Variants in ZDHHC11B observed in about 807,000 individuals in gnomAD.
ZDHHC11B encodes probable palmitoyltransferase ZDHHC11B.
In ZDHHC11B, 17 loss-of-function variants were observed where a neutral mutation model predicts 42.3. The observed-to-expected ratio is 0.40, with a 90% confidence interval of 0.27 to 0.60. The LOEUF (loss-of-function observed/expected upper bound fraction) is 0.60. ZDHHC11B is among the 20% of genes least tolerant of loss of function. The probability of loss-of-function intolerance (pLI) is 0.41; values close to 1 mark genes in which losing one functional copy is unlikely to be tolerated. For synonymous variants in ZDHHC11B, 123 were observed against 193.5 expected, an observed-to-expected ratio of 0.64 and a Z score of 3.02; for missense variants, 262 against 463.2, an observed-to-expected ratio of 0.57 and a Z score of 3.99.
chr5:758,597 C>T (rs1363778611), intron 4 of ZDHHC11B, among the ~76,000 whole-genome samples: 1 of 151,726 alleles, frequency 6.6e-6, no homozygotes, highest in East Asian at 1.9e-4. Context: ...CGAGCCAGTC[C>T]CCAAACCTGC....
chr5:746,669 G>A (rs1315048046), intron 8 of ZDHHC11B, among the ~76,000 whole-genome samples: 1 of 150,218 alleles, frequency 6.7e-6, no homozygotes, highest in South Asian at 2.2e-4. Flanking sequence ...GCAGCACAAG[G>A]GCCAGCCACA....
chr5:783,448 T>C (rs1451578269), intron 1 of ZDHHC11B, among the ~76,000 whole-genome samples: 9 of 139,296 alleles, frequency 6.5e-5, no homozygotes, highest in Admixed American at 2.1e-4. Flanking sequence ...TGGCTGGGCG[T>C]GGGGGGAGAC....
chr5:775,407 G>A lies in ZDHHC11B; in HGVS notation c.-229-6477C>T, dbSNP rs1185678624. Reference sequence around the variant, plus strand: ...ATGGCCTCATGCAGGCACAGCCTGAGGGAGAACCTGTCTCTGCGGAGAAAG... The same window carrying A: ...ATGGCCTCATGCAGGCACAGCCTGAAGGAGAACCTGTCTCTGCGGAGAAAG... On this transcript the variant is annotated intron_variant, in intron 1 of 13. Transcript: ENST00000508859. 3.3e-5 allele frequency among the ~76,000 whole-genome samples: 5 copies of A among 151,990 alleles called. 1 individual carries two copies. The highest frequency in any genetic ancestry group is 7.4e-5 in the Non-Finnish European group (5 of 67,948).
Position 766,693 on chromosome 5 carries a change from G to T in ZDHHC11B, c.222+5C>A. 6.2e-7 allele frequency: 1 copy of T among 1,604,612 alleles called. No homozygotes were observed. Among genetic ancestry groups the T allele is most frequent in the Non-Finnish European group, 8.5e-7 (1 of 1,174,680 alleles). On this transcript the variant is annotated splice_donor_5th_base_variant and intron_variant, in intron 4 of 13. Transcript: ENST00000508859. Reference sequence around the variant, plus strand: ...GCTTAGACCATGCCACGATGAAAAGGATACCACATAGGCGATGTATTTCCA... The same window carrying T: ...GCTTAGACCATGCCACGATGAAAAGTATACCACATAGGCGATGTATTTCCA...
At chr5:725,980 G>C (rs555248361) in intron 12 of ZDHHC11B, among the ~76,000 whole-genome samples, 1 of 150,066 alleles carries the variant, frequency 6.7e-6, no homozygotes, top group Non-Finnish European at 1.5e-5. Context: ...TGAATGAGGC[G>C]CTGGGGATTA....
At position 758,078 on chromosome 5, in the gene ZDHHC11B, G is replaced by A. The variant is rs147954099; in HGVS notation, c.223-1934C>T. 1.6e-3 allele frequency among the ~76,000 whole-genome samples: 244 copies of A among 151,912 alleles called. 5 individuals carry two copies. In the East Asian group the frequency reaches 0.035, roughly 22 times the overall value. On this transcript the variant is annotated intron_variant, in intron 4 of 13. Coordinates refer to ENST00000508859, the MANE Select transcript of ZDHHC11B (RefSeq NM_001351303.2). Reference sequence around the variant, plus strand: ...CTGACATGACCGAGCCTGCATCCCGGCTGTTGTCCCCATGTACCCGCTCCC... The same window carrying A: ...CTGACATGACCGAGCCTGCATCCCGACTGTTGTCCCCATGTACCCGCTCCC...
At chr5:765,195 T>G (rs569058684) in intron 4 of ZDHHC11B, among the ~76,000 whole-genome samples, 652 of 150,526 alleles carry the variant, frequency 4.3e-3, no homozygotes, top group Non-Finnish European at 6.9e-3. Context: ...GGTGGGGACT[T>G]GGAGAATCTT....
chr5:776,018 G>A (rs545248249), intron 1 of ZDHHC11B, among the ~76,000 whole-genome samples: 1 of 149,208 alleles, frequency 6.7e-6, no homozygotes, highest in Admixed American at 6.6e-5. Context: ...CAGATACCCT[G>A]GCCTCCGCAG....
intron 11 of ZDHHC11B, chr5:732,664 C>G (rs974419439): frequency 1.3e-5 from 6 of 450,550 alleles, no homozygotes; most frequent in African/African-American, 1.2e-4. Context: ...GTGAGGCGGC[C>G]CTGCCCCCAC....
At chr5:766,088 G>A (rs1735296993) in intron 4 of ZDHHC11B, among the ~76,000 whole-genome samples, 1 of 151,890 alleles carries the variant, frequency 6.6e-6, no homozygotes, top group Non-Finnish European at 1.5e-5. Context: ...TGAATGCCAT[G>A]GTCAGCTGGA....
intron 9 of ZDHHC11B, among the ~76,000 whole-genome samples, chr5:744,805 C>A (rs452680): frequency 3.2e-4 from 47 of 148,428 alleles, no homozygotes; most frequent in African/African-American, 6.5e-4. Flanking sequence ...CAGGAGGTGG[C>A]GGCTACAATG....
chr5:712,765 C>T (rs2561589), intron 13 of ZDHHC11B, among the ~76,000 whole-genome samples: 77,522 of 148,982 alleles, frequency 0.52, 18,065 homozygotes, highest in African/African-American at 0.58. Flanking sequence ...AAAAATTAGC[C>T]AGGTGTGGTG....
rs1461322978 is a variant in ZDHHC11B at position 764,811 on chromosome 5, G to A, written c.222+1887C>T. ...GTGTGGGAGCCACTAGGTGAAGCCA[G>A]CTGGGCTCCTGAGTCTAGTGGGGAC... On this transcript the variant is annotated intron_variant, in intron 4 of 13. Transcript: ENST00000508859. Among the ~76,000 whole-genome samples the A allele has an allele frequency of 3.9e-5, 6 of 151,940 alleles. No homozygotes were observed. In the East Asian group the frequency reaches 1.2e-3, roughly 29 times the overall value.
At chr5:783,325 C>G (rs1390334923) in intron 1 of ZDHHC11B, among the ~76,000 whole-genome samples, 3 of 152,290 alleles carry the variant, frequency 2.0e-5, no homozygotes, top group Non-Finnish European at 4.4e-5. Flanking sequence ...GCGCCGGCAT[C>G]AGGCTGCAGC....
intron 13 of ZDHHC11B, among the ~76,000 whole-genome samples, chr5:716,290 T>C (rs1741744804): frequency 6.6e-6 from 1 of 151,378 alleles, no homozygotes; most frequent in Non-Finnish European, 1.5e-5. Flanking sequence ...TGATAGCAAA[T>C]TCCTTTAGCC....
intron 11 of ZDHHC11B, chr5:732,349 T>A (rs1463846968): frequency 8.4e-6 from 2 of 238,744 alleles, no homozygotes; most frequent in Non-Finnish European, 1.7e-5. Flanking sequence ...CACACATAGA[T>A]GCTGCAGAGA....
At chr5:783,265 G>A (rs1239943606) in intron 1 of ZDHHC11B, among the ~76,000 whole-genome samples, 1 of 152,260 alleles carries the variant, frequency 6.6e-6, no homozygotes, top group Non-Finnish European at 1.5e-5. Context: ...ATCACGTGGT[G>A]GGGAGGCGCT....
chr5:739,287 A>T (rs1388110917), intron 10 of ZDHHC11B, among the ~76,000 whole-genome samples: 2 of 150,892 alleles, frequency 1.3e-5, no homozygotes, highest in Admixed American at 1.3e-4. Context: ...AATCCCAGGT[A>T]CTTGGGAGCC....
intron 1 of ZDHHC11B, among the ~76,000 whole-genome samples, chr5:776,802 CA>C (rs1175604437): frequency 1.3e-5 from 2 of 151,912 alleles, no homozygotes; most frequent in African/African-American, 2.4e-5. Flanking sequence ...CAAGGCGGCT[CA>C]GGTCCCATTC....
Sources: allele counts gnomAD v4.1 joint callset (sites outside exome capture counted in the v4.1 genomes callset), GRCh38; gene constraint gnomAD v4.1.1; transcripts MANE v1.5; gene names NCBI Gene and HGNC (gene_info 2026-07-23, HGNC 2026-07-21).